The following BNC2 variants were observed in gnomAD, a reference collection of about 807,000 sequenced individuals.
BNC2 encodes zinc finger protein basonuclin-2.
In BNC2, 20 loss-of-function variants were observed where a neutral mutation model predicts 76.3. The ratio of observed to expected loss-of-function variants is 0.26; its 90% confidence interval spans 0.18 to 0.38. The LOEUF (loss-of-function observed/expected upper bound fraction) is 0.38, where lower values mean the gene tolerates loss of function less well. BNC2 is among the 10% of genes least tolerant of loss of function. The probability of loss-of-function intolerance (pLI) is 1.00; values close to 1 mark genes in which losing one functional copy is unlikely to be tolerated. For missense variants in BNC2, 1,382 were observed against 1,399.8 expected (o/e 0.99, Z 0.20); for synonymous variants, 582 against 514.8 (o/e 1.13, Z -1.77).
chr9:16,648,535 G>C (rs1821702239), intron 3 of BNC2, among the ~76,000 whole-genome samples: 1 of 152,224 alleles, frequency 6.6e-6, no homozygotes, highest in African/African-American at 2.4e-5. Flanking sequence ...GGACCTGGGA[G>C]AGGTGTCACA....
intron 3 of BNC2, among the ~76,000 whole-genome samples, chr9:16,718,345 A>G (rs1824051115): frequency 6.6e-6 from 1 of 152,170 alleles, no homozygotes; most frequent in African/African-American, 2.4e-5. Flanking sequence ...TTACATTATA[A>G]TAGATGACAA....
At chr9:16,697,864 C>T (rs1373892456) in intron 3 of BNC2, among the ~76,000 whole-genome samples, 1 of 152,024 alleles carries the variant, frequency 6.6e-6, no homozygotes, top group African/African-American at 2.4e-5. Context: ...TTGATTGCCA[C>T]GTACCTGGAA....
At chr9:16,745,191 A>G (rs1227066705) in intron 1 of BNC2, among the ~76,000 whole-genome samples, 1 of 152,206 alleles carries the variant, frequency 6.6e-6, no homozygotes, top group Non-Finnish European at 1.5e-5. Flanking sequence ...CGCCTAGCAT[A>G]CAAGTACTAA....
chr9:16,630,275 G>A (rs1225097434), intron 3 of BNC2, among the ~76,000 whole-genome samples: 1 of 152,106 alleles, frequency 6.6e-6, no homozygotes. Context: ...AGTCTAAGTG[G>A]GAAAAGTCCA....
chr9:16,819,813 A>ATTT (rs10646871), intron 1 of BNC2, among the ~76,000 whole-genome samples: 26 of 150,106 alleles, frequency 1.7e-4, no homozygotes, highest in African/African-American at 6.1e-4. Flanking sequence ...TGAGATATGT[A>ATTT]TTTTTTTTTT....
At position 16,418,610 on chromosome 9, in the gene BNC2, GTCTCTTTGGGGAAGA is replaced by G. The variant is rs1411969353; in HGVS notation, c.*364_*378del. 3 of 175,558 alleles carry G rather than the reference GTCTCTTTGGGGAAGA, an allele frequency of 1.7e-5. No individual in the cohort carries two copies. The highest frequency in any genetic ancestry group is 7.2e-5 in the African/African-American group (3 of 41,442). The allele number at this position is 175,558 out of a possible 1,614,324, so 10.9% of individuals were successfully genotyped here. A position where few individuals can be genotyped will look rare whatever the true frequency, so the allele number is the denominator to read the frequency against. ...GCAACAGTCATGGGTACAACAAATT[GTCTCTTTGGGGAAGA>G]CCAAGAATTATTCTGTCAAAACTGG... On this transcript the variant is annotated 3_prime_UTR_variant, in exon 7 of 7. Coordinates refer to ENST00000380672, the MANE Select transcript of BNC2 (RefSeq NM_017637.6).
chr9:16,833,302 C>T (rs1029348273), intron 1 of BNC2, among the ~76,000 whole-genome samples: 1 of 152,140 alleles, frequency 6.6e-6, no homozygotes, highest in African/African-American at 2.4e-5. Flanking sequence ...CTCTTCTTGA[C>T]AATTTCAACC....
At chr9:16,663,275 G>A (rs1159740476) in intron 3 of BNC2, among the ~76,000 whole-genome samples, 5 of 151,748 alleles carry the variant, frequency 3.3e-5, no homozygotes, top group Non-Finnish European at 5.9e-5. Flanking sequence ...GCTGATTACA[G>A]GCGCCCGCCA....
At chr9:16,821,674 G>A (rs946481898) in intron 1 of BNC2, among the ~76,000 whole-genome samples, 6 of 152,166 alleles carry the variant, frequency 3.9e-5, no homozygotes, top group Non-Finnish European at 5.9e-5. Flanking sequence ...CCAGCAGGGC[G>A]TGGTGGCTCA....
chr9:16,685,475 C>G, intron 3 of BNC2: 8 of 988,460 alleles, frequency 8.1e-6, no homozygotes, highest in Non-Finnish European at 1.1e-5. Flanking sequence ...GCTGATATAC[C>G]CAAATGGCTT....
At chr9:16,628,222 C>T (rs893046993) in intron 3 of BNC2, among the ~76,000 whole-genome samples, 2 of 152,192 alleles carry the variant, frequency 1.3e-5, no homozygotes, top group African/African-American at 4.8e-5. Context: ...CATCTGAAAG[C>T]AGCTGTACTG....
chr9:16,732,924 C>G (rs886097354), intron 2 of BNC2, among the ~76,000 whole-genome samples: 1 of 152,190 alleles, frequency 6.6e-6, no homozygotes, highest in Non-Finnish European at 1.5e-5. Context: ...TATGTGGACT[C>G]AGGTTGCCAT....
At chr9:16,530,827 A>T (rs891092791) in intron 5 of BNC2, among the ~76,000 whole-genome samples, 5 of 152,208 alleles carry the variant, frequency 3.3e-5, no homozygotes, top group African/African-American at 1.2e-4. Flanking sequence ...AAGCCGAGGC[A>T]TGAGGAGATG....
intron 3 of BNC2, among the ~76,000 whole-genome samples, chr9:16,633,212 A>G (rs1388255868): frequency 6.6e-6 from 1 of 152,220 alleles, no homozygotes; most frequent in Non-Finnish European, 1.5e-5. Context: ...ACGTCTAAGA[A>G]GAGAAAAAAC....
In BNC2 at chr9:16,436,890, G is replaced by C; in HGVS notation, c.1304C>G (p.Ala435Gly). The C allele has an allele frequency of 5.0e-6, 8 of 1,614,100 alleles. No homozygotes were observed. The highest frequency in any genetic ancestry group is 6.8e-6 in the Non-Finnish European group (8 of 1,180,020). The change falls in exon 6 of 7, where the codon GCC becomes GGC. Residue 435 changes from alanine (A) to glycine (G), a missense_variant. Physicochemically the swap from Ala to Gly is moderately conservative, Grantham distance 60 (BLOSUM62 0). This residue lies in a region of BNC2 where 557 missense variants were observed against 540.9 expected (regional missense o/e 1.03). Coordinates refer to ENST00000380672, the MANE Select transcript of BNC2 (RefSeq NM_017637.6). ...ACAGAACACTCTTCCTTTCCTAGAG[G>C]CTGACCCCATCCTTCTCATCCGATG... ...RIHRMRRMGS[A>G]SRKGRVFCNA... is the part of the protein sequence containing the mutation.
chr9:16,796,651 G>GA (rs10710681), intron 1 of BNC2, among the ~76,000 whole-genome samples: 3,254 of 145,652 alleles, frequency 0.022, 104 homozygotes, highest in African/African-American at 0.072. Flanking sequence ...AAAGGAAAGA[G>GA]AAAAAAAAAG....
At chr9:16,605,360 G>A (rs1278071192) in intron 3 of BNC2, among the ~76,000 whole-genome samples, 2 of 152,196 alleles carry the variant, frequency 1.3e-5, no homozygotes, top group Non-Finnish European at 2.9e-5. Context: ...AGCTTATCCT[G>A]ACTTTTCCCT....
At chr9:16,624,773 C>T (rs955647828) in intron 3 of BNC2, among the ~76,000 whole-genome samples, 3 of 152,086 alleles carry the variant, frequency 2.0e-5, no homozygotes, top group South Asian at 2.1e-4. Flanking sequence ...TCTAGTTTAT[C>T]GGAGCATTTA....
chr9:16,444,224 A>G (rs1185988376), intron 5 of BNC2, among the ~76,000 whole-genome samples: 1 of 152,076 alleles, frequency 6.6e-6, no homozygotes, highest in Non-Finnish European at 1.5e-5. Flanking sequence ...ATTTTTTGCT[A>G]GTATCATTCA....
Sources: allele counts gnomAD v4.1 joint callset (sites outside exome capture counted in the v4.1 genomes callset), GRCh38; gene constraint gnomAD v4.1.1; regional missense constraint gnomAD v4.1.1; transcripts MANE v1.5; gene names NCBI Gene and HGNC (gene_info 2026-07-23, HGNC 2026-07-21).